Variants in TMEM65 observed in about 807,000 individuals in gnomAD.
TMEM65 encodes transmembrane protein 65.
TMEM65 carries 22 observed loss-of-function variants against 25.4 expected under a neutral mutation model. The observed-to-expected ratio is 0.86, with a 90% CI of 0.62 to 1.23. The LOEUF (loss-of-function observed/expected upper bound fraction) is 1.23, where lower values mean the gene tolerates loss of function less well. Ranked by LOEUF, TMEM65 falls within the 50% of genes most tolerant of loss-of-function variation. The probability of loss-of-function intolerance (pLI) is 0.00; values close to 1 mark genes in which losing one functional copy is unlikely to be tolerated. For missense variants in TMEM65, 262 were observed against 308.2 expected (o/e 0.85, Z 1.12); for synonymous variants, 132 against 126.2 (o/e 1.05, Z -0.31).
chr8:124,363,784 C>T (rs112517978), intron 1 of TMEM65, among the ~76,000 whole-genome samples: 3 of 129,988 alleles, frequency 2.3e-5, no homozygotes, highest in Non-Finnish European at 4.6e-5. Flanking sequence ...TTGCAGTGAG[C>T]CGAGATCCCG....
At position 124,311,772 on chromosome 8, in the gene TMEM65, T is replaced by C. The variant is rs554254153; in HGVS notation, c.*2188A>G. On this transcript the variant is annotated 3_prime_UTR_variant, in exon 7 of 7. Transcript: ENST00000297632. ...ATGATCTTAAACATATACCTTCAGT[T>C]AAAGACAAATGGTCTCCATTTTTTG... The C allele has an allele frequency of 1.6e-4, 24 of 152,296 alleles. No homozygotes were observed. Among genetic ancestry groups the C allele is most frequent in the South Asian group, 1.5e-3 (7 of 4,824 alleles). The allele number at this position is 152,296 out of a possible 1,614,324, so 9.4% of individuals were successfully genotyped here.
intron 3 of TMEM65, 60 bp from the exon 4 acceptor site, chr8:124,323,435 GC>G (rs1814330128): frequency 2.1e-6 from 2 of 934,638 alleles, no homozygotes; most frequent in South Asian, 3.3e-5. Flanking sequence ...TAAAAGAATA[GC>G]AAAGCATTAA....
At chr8:124,316,383 T>C (rs1814237378) in intron 6 of TMEM65, among the ~76,000 whole-genome samples, 1 of 152,224 alleles carries the variant, frequency 6.6e-6, no homozygotes, top group Non-Finnish European at 1.5e-5. Context: ...GGAACCTGCA[T>C]GTGTATCTGT....
chr8:124,350,910 A>G (rs1167283764), intron 1 of TMEM65: 1 of 820,120 alleles, frequency 1.2e-6, no homozygotes, highest in Admixed American at 6.2e-5. Context: ...TTATTGTTCC[A>G]TCATACAGAC....
intron 6 of TMEM65, among the ~76,000 whole-genome samples, chr8:124,319,439 C>T (rs1033221205): frequency 1.3e-5 from 2 of 152,150 alleles, no homozygotes; most frequent in Non-Finnish European, 1.5e-5. Flanking sequence ...CTGCTTACTT[C>T]TCCAATGTTG....
chr8:124,343,313 T>G (rs974394187), intron 1 of TMEM65, among the ~76,000 whole-genome samples: 1 of 152,108 alleles, frequency 6.6e-6, no homozygotes, highest in Admixed American at 6.6e-5. Flanking sequence ...TAGAACCTCA[T>G]GTATCTACCA....
intron 1 of TMEM65, among the ~76,000 whole-genome samples, chr8:124,339,222 A>T (rs868076295): frequency 0.021 from 409 of 19,750 alleles, 27 homozygotes; most frequent in African/African-American, 0.088. Flanking sequence ...AAAAAAAAAA[A>T]ATATATATAT....
Position 124,329,995 on chromosome 8 carries a change from C to T in TMEM65, c.349+753G>A, listed in dbSNP as rs148737472. On this transcript the variant is annotated intron_variant, in intron 2 of 6. Transcript: ENST00000297632. ...ACCTGTCAGAGAAAAAATAACTGGC[C>T]ATTAGGTTTTTTTAAAAATTATATA... is the stretch of plus-strand genomic sequence containing the variant. 8.6e-3 allele frequency among the ~76,000 whole-genome samples: 1,307 copies of T among 151,822 alleles called. 18 individuals carry two copies. The highest frequency in any genetic ancestry group is 0.029 in the African/African-American group (1,183 of 41,480).
At chr8:124,348,855 C>G (rs1300271118) in intron 1 of TMEM65, among the ~76,000 whole-genome samples, 1 of 152,138 alleles carries the variant, frequency 6.6e-6, no homozygotes, top group Admixed American at 6.5e-5. Context: ...TGGTCCCTCC[C>G]CACTAGAAGA....
In TMEM65 at chr8:124,313,993, A is replaced by G. The variant is rs768442527; in HGVS notation, c.690T>C (p.Gly230=). 2 of 1,613,464 alleles carry G rather than the reference A, an allele frequency of 1.2e-6. No individual in the cohort carries two copies. The highest frequency in any genetic ancestry group is 2.2e-5 in the South Asian group (2 of 91,044). The part of the protein sequence containing the change: ...GMFPLIFFGG[G]EEDEKLETKS ...TCGTTTCCAGTTTTTCATCTTCTTC[A>G]CCTCCTCCAAAGAAAATTAAAGGAA... Residue 230 remains glycine (G), a synonymous_variant, in exon 7 of 7, where the codon GGT becomes GGC. Transcript: ENST00000297632.
chr8:124,345,988 G>A lies in TMEM65; in HGVS notation c.305-15196C>T, dbSNP rs113125818. ...TCTGGAACTCCTGACCTCGTGATCC[G>A]TCTGCCTCGGCCTCCCATAGTGCTG... On this transcript the variant is annotated intron_variant, in intron 1 of 6. Transcript: ENST00000297632. 6.4e-3 allele frequency among the ~76,000 whole-genome samples: 969 copies of A among 152,254 alleles called. 11 individuals are homozygous for A. The highest frequency in any genetic ancestry group is 0.02 in the African/African-American group (841 of 41,536).
rs919160886 is a variant in TMEM65 at position 124,309,947 on chromosome 8, G to A, written c.*4013C>T. 6.6e-6 allele frequency: 1 copy of A among 152,078 alleles called. No individual in the cohort carries two copies. Among genetic ancestry groups the A allele is most frequent in the Non-Finnish European group, 1.5e-5 (1 of 68,038 alleles). The allele number at this position is 152,078 out of a possible 1,614,324, so 9.4% of individuals were successfully genotyped here. A position where few individuals can be genotyped will look rare whatever the true frequency, so the allele number is the denominator to read the frequency against. On this transcript the variant is annotated 3_prime_UTR_variant, in exon 7 of 7. Coordinates refer to ENST00000297632, the MANE Select transcript of TMEM65 (RefSeq NM_194291.3). ...GCCTGTAATCCCAGCTACTCAGGAG[G>A]TCAGGAGTCTGAGGCCAGCCTGGCC...
chr8:124,318,695 T>C (rs1814270090), intron 6 of TMEM65, among the ~76,000 whole-genome samples: 1 of 152,036 alleles, frequency 6.6e-6, no homozygotes. Context: ...TACACAATAA[T>C]AGATAGGTCT....
intron 4 of TMEM65, among the ~76,000 whole-genome samples, chr8:124,322,651 T>A (rs1421499310): frequency 1.3e-5 from 2 of 151,872 alleles, no homozygotes. Context: ...TTGATTTTTC[T>A]ACCCAACTCA....
intron 1 of TMEM65, among the ~76,000 whole-genome samples, chr8:124,339,675 T>G (rs186530388): frequency 5.9e-5 from 9 of 152,152 alleles, no homozygotes; most frequent in Non-Finnish European, 1.2e-4. Flanking sequence ...GCTCACTGAC[T>G]TTATTTGAGC....
intron 1 of TMEM65, among the ~76,000 whole-genome samples, chr8:124,332,954 T>G (rs535902297): frequency 6.6e-6 from 1 of 151,892 alleles, no homozygotes; most frequent in Non-Finnish European, 1.5e-5. Flanking sequence ...TACAGGTGTG[T>G]GCCACCACAC....
In TMEM65 at chr8:124,372,662, A is replaced by AGCCGCCGCC. The variant is rs57541664; in HGVS notation, c.-514_-506dup. 9.4e-4 allele frequency: 152 copies of AGCCGCCGCC among 161,020 alleles called. 11 individuals carry two copies. The South Asian group carries it at 0.011, about 11-fold the overall frequency. The allele number at this position is 161,020 out of a possible 1,614,324, so 10.0% of individuals were successfully genotyped here. ...CAAAGCAGCCGCGCTCCCGAGCCGC[A>AGCCGCCGCC]GCCGCCGCCGCCGCCGCTACCCCTA... On this transcript the variant is annotated 5_prime_UTR_variant, in exon 1 of 7. Transcript: ENST00000297632.
At chr8:124,319,167 T>C (rs1814275056) in intron 6 of TMEM65, among the ~76,000 whole-genome samples, 2 of 152,166 alleles carry the variant, frequency 1.3e-5, no homozygotes, top group African/African-American at 2.4e-5. Flanking sequence ...CTCTGACCTA[T>C]CTAACTCTTG....
chr8:124,360,819 T>A (rs1202284444), intron 1 of TMEM65, among the ~76,000 whole-genome samples: 1 of 152,114 alleles, frequency 6.6e-6, no homozygotes, highest in African/African-American at 2.4e-5. Context: ...GGAAAAAAAA[T>A]TATTTAAAAG....
Sources: allele counts gnomAD v4.1 joint callset (sites outside exome capture counted in the v4.1 genomes callset), GRCh38; gene constraint gnomAD v4.1.1; transcripts MANE v1.5; gene names NCBI Gene and HGNC (gene_info 2026-07-23, HGNC 2026-07-21).